The following TRIP12 variants were observed in gnomAD, a reference collection of about 807,000 sequenced individuals.
TRIP12 encodes E3 ubiquitin-protein ligase TRIP12.
A neutral mutation model predicts 244.2 loss-of-function variants in TRIP12; 25 were observed. The ratio of observed to expected loss-of-function variants is 0.10; its 90% CI spans 0.07 to 0.14. TRIP12 has a LOEUF of 0.14. Ranked by LOEUF, TRIP12 falls within the 10% of genes least tolerant of loss-of-function variation. The pLI, the probability that TRIP12 is intolerant of heterozygous loss-of-function variation, is 1.00. For missense variants in TRIP12, 1,677 were observed against 2,486.4 expected, an observed-to-expected ratio of 0.67 and a Z score of 6.92; for synonymous variants, 905 against 873.1, an observed-to-expected ratio of 1.04 and a Z score of -0.64.
chr2:229,840,220 C>A (rs1183861031), intron 5 of TRIP12, among the ~76,000 whole-genome samples: 2 of 152,112 alleles, frequency 1.3e-5, no homozygotes, highest in African/African-American at 4.8e-5. Flanking sequence ...AAAGGTCCTG[C>A]TACTGTCAAC....
chr2:229,789,057 T>A, intron 31 of TRIP12, 117 bp from the exon 32 acceptor site: 1 of 906,692 alleles, frequency 1.1e-6, no homozygotes, highest in Non-Finnish European at 1.6e-6. Context: ...CGTGTTGGTT[T>A]CCAACATACA....
In TRIP12 at chr2:229,882,294, G is replaced by T. The variant is rs192106023; in HGVS notation, c.-49-2166C>A. Among the ~76,000 whole-genome samples, 6 of 152,108 alleles carry T rather than the reference G, an allele frequency of 3.9e-5. No individual in the cohort carries two copies. The East Asian group carries it at 1.2e-3, about 29-fold the overall frequency. ...GTGGTAAAATAAAATCTAATATATT[G>T]GGAAAGGCTTCACCATAAAAATCAC... On this transcript the variant is annotated intron_variant, in intron 1 of 41. Coordinates refer to ENST00000675903, the MANE Select transcript of TRIP12 (RefSeq NM_001348323.3).
intron 37 of TRIP12, among the ~76,000 whole-genome samples, chr2:229,775,401 A>G (rs2035900421): frequency 6.6e-6 from 1 of 151,456 alleles, no homozygotes; most frequent in Non-Finnish European, 1.5e-5. Flanking sequence ...AAAAAAAAAA[A>G]AAGAAAGTTC....
intron 1 of TRIP12, among the ~76,000 whole-genome samples, chr2:229,911,359 A>G (rs2074243360): frequency 1.3e-5 from 2 of 152,246 alleles, no homozygotes; most frequent in Admixed American, 6.5e-5. Flanking sequence ...GCTAAATATC[A>G]TAGCTATCAG....
chr2:229,821,702 G>A (rs1311842491), intron 8 of TRIP12, among the ~76,000 whole-genome samples: 1 of 152,106 alleles, frequency 6.6e-6, no homozygotes, highest in African/African-American at 2.4e-5. Flanking sequence ...ACAAGCAGGA[G>A]CGTGGATTTG....
chr2:229,863,726 G>T (rs952261162), intron 2 of TRIP12, among the ~76,000 whole-genome samples: 2 of 152,126 alleles, frequency 1.3e-5, no homozygotes, highest in Admixed American at 6.5e-5. Context: ...AAATAATGAT[G>T]TCCAATCTGG....
At chr2:229,779,576 G>T (rs988464170) in intron 34 of TRIP12, among the ~76,000 whole-genome samples, 1 of 152,080 alleles carries the variant, frequency 6.6e-6, no homozygotes, top group Non-Finnish European at 1.5e-5. Flanking sequence ...GAGATATGTC[G>T]AATAAAATAC....
Position 229,778,195 on chromosome 2 carries a change from A to C in TRIP12, c.5364+238T>G, listed in dbSNP as rs1318912587. ...TCCAAGGAGGGGTCCACAACCTGGC[A>C]ATCGGGCATGCCCTGGGAGCTGACA... On this transcript the variant is annotated intron_variant, in intron 36 of 41. Coordinates refer to ENST00000675903, the MANE Select transcript of TRIP12 (RefSeq NM_001348323.3). This position sits in a 1 kb window ranked among gnomAD's most constrained non-coding sequence, Gnocchi z 4.1. Among the ~76,000 whole-genome samples the C allele has an allele frequency of 1.1e-4, 16 of 152,298 alleles. No homozygotes were observed. The East Asian group carries it at 2.9e-3, about 28-fold the overall frequency.
At chr2:229,847,288 T>C (rs1180532902) in intron 4 of TRIP12, among the ~76,000 whole-genome samples, 3 of 152,246 alleles carry the variant, frequency 2.0e-5, no homozygotes, top group African/African-American at 7.2e-5. Flanking sequence ...TGCTCTGTCA[T>C]TCTGAAGATG....
In TRIP12 at chr2:229,780,810, T is replaced by C. The variant is rs74914831; in HGVS notation, c.5095-1820A>G. Among the ~76,000 whole-genome samples, 936 of 152,298 alleles carry C rather than the reference T, an allele frequency of 6.1e-3. 7 individuals carry two copies. Among genetic ancestry groups the C allele is most frequent in the African/African-American group, 0.021 (878 of 41,570 alleles). ...GTGTACATGAATGTGTGTGTATGTA[T>C]TGGCCTCCCCAAACTAAAAGATAAG... On this transcript the variant is annotated intron_variant, in intron 34 of 41. Coordinates refer to ENST00000675903, the MANE Select transcript of TRIP12 (RefSeq NM_001348323.3).
Position 229,788,719 on chromosome 2 carries a change from C to G in TRIP12, c.4838+79G>C. On this transcript the variant is annotated intron_variant, in intron 32 of 41. Coordinates refer to ENST00000675903, the MANE Select transcript of TRIP12 (RefSeq NM_001348323.3). ...AACATTTGACTAGGTCCAGTAAAGA[C>G]AATGTTTCTGTAACAAAATACATCA... The G allele has an allele frequency of 2.0e-6, 3 of 1,530,826 alleles. No homozygotes were observed. The South Asian group carries it at 3.7e-5, about 19-fold the overall frequency. 94.8% of individuals were successfully genotyped at this position (1,530,826 alleles called of 1,614,324 possible). A position where few individuals can be genotyped will look rare whatever the true frequency, so the allele number is the denominator to read the frequency against.
chr2:229,777,360 T>C lies in TRIP12; in HGVS notation c.5484A>G (p.Glu1828=). The change falls in exon 37 of 42, where the codon GAA becomes GAG. Residue 1828 remains glutamate, a synonymous_variant. Transcript: ENST00000675903. ...GTCTTTTCTTCTGTCTGACAATGTC[T>C]TCTAGGTGATAAACTGATCTGGCTA... The part of the protein sequence containing the change: ...PVVARSVYHL[E]DIVRQKKRLE... 6.2e-7 allele frequency: 1 copy of C among 1,613,984 alleles called. No individual in the cohort carries two copies. Among genetic ancestry groups the C allele is most frequent in the Non-Finnish European group, 8.5e-7 (1 of 1,179,852 alleles).
At chr2:229,893,324 G>A (rs904282791) in intron 1 of TRIP12, among the ~76,000 whole-genome samples, 1 of 152,014 alleles carries the variant, frequency 6.6e-6, no homozygotes, top group Non-Finnish European at 1.5e-5. Flanking sequence ...TTTCAACAAC[G>A]AAATGCCCAA....
chr2:229,901,451 C>G (rs1371994152), intron 1 of TRIP12, among the ~76,000 whole-genome samples: 2 of 151,194 alleles, frequency 1.3e-5, no homozygotes, highest in African/African-American at 4.9e-5. Context: ...TGAAACCCCC[C>G]TCCTCTACTA....
At chr2:229,871,941 C>G (rs1316988546) in intron 2 of TRIP12, among the ~76,000 whole-genome samples, 2 of 151,692 alleles carry the variant, frequency 1.3e-5, no homozygotes, top group Non-Finnish European at 2.9e-5. Flanking sequence ...TACAAGTTCA[C>G]GATGACAGTG....
chr2:229,792,050 T>C lies in TRIP12; in HGVS notation c.4231A>G (p.Asn1411Asp), dbSNP rs2041669109. The stretch of plus-strand genomic sequence containing the variant: ...AGCCTGTGTCTTACATTTCCTGAAT[T>C]TAGGAACTGAGCAGCCTGAATAAAG... The part of the protein sequence containing the change: ...IDESLAAQFL[N>D]SGNVRHRLQF... The change falls in exon 29 of 42, where the codon AAT (asparagine) becomes GAT (aspartate). Residue 1411 changes from asparagine (N) to aspartate (D), a missense_variant. This residue lies in a region of TRIP12 where 265 missense variants were observed against 370.8 expected (regional missense o/e 0.71). Transcript: ENST00000675903. 1 of 1,614,002 alleles carries C rather than the reference T, an allele frequency of 6.2e-7. No individual in the cohort carries two copies. The highest frequency in any genetic ancestry group is 8.5e-7 in the Non-Finnish European group (1 of 1,179,988).
intron 1 of TRIP12, among the ~76,000 whole-genome samples, chr2:229,908,214 T>C (rs1405032341): frequency 1.3e-5 from 2 of 152,224 alleles, no homozygotes; most frequent in African/African-American, 2.4e-5. Context: ...TCTTATCCCA[T>C]TCATTTTCCA....
At chr2:229,797,566 T>C (rs1203337221) in intron 24 of TRIP12, 124 bp downstream of exon 24, 2 of 1,161,548 alleles carry the variant, frequency 1.7e-6, no homozygotes, top group African/African-American at 3.1e-5. Flanking sequence ...AGGGTGTATA[T>C]AAGGTAAAAG....
chr2:229,851,465 C>A (rs530898217), intron 4 of TRIP12, among the ~76,000 whole-genome samples: 1 of 152,102 alleles, frequency 6.6e-6, no homozygotes, highest in Non-Finnish European at 1.5e-5. Context: ...ACAGACCACT[C>A]GGCTCTACCA....
Sources: gnomAD v4.1 joint callset for allele counts (sites outside exome capture counted in the v4.1 genomes callset) on GRCh38, gnomAD v4.1.1 for gene constraint, gnomAD v4.1.1 regional missense constraint, Gnocchi (gnomAD v3.1) non-coding constraint, MANE v1.5 for transcripts, NCBI Gene and HGNC (gene_info 2026-07-23, HGNC 2026-07-21) for gene names.